Variants in SLC27A4 observed in about 807,000 individuals in gnomAD.
SLC27A4 encodes the protein long-chain fatty acid transport protein 4.
A neutral mutation model predicts 64.4 loss-of-function variants in SLC27A4; 33 were observed. That is an observed-to-expected ratio of 0.51 (90% CI 0.39 to 0.68). The LOEUF is 0.68. SLC27A4 is among the 30% of genes least tolerant of loss of function. The probability of loss-of-function intolerance (pLI) is 0.00; values close to 1 mark genes in which losing one functional copy is unlikely to be tolerated. For missense variants in SLC27A4, 824 were observed against 883.5 expected (o/e 0.93, Z 0.85); for synonymous variants, 377 against 370.0 (o/e 1.02, Z -0.22).
At chr9:128,356,334 G>A (rs1276353993) in intron 12 of SLC27A4, among the ~76,000 whole-genome samples, 2 of 152,210 alleles carry the variant, frequency 1.3e-5, no homozygotes, top group Non-Finnish European at 2.9e-5. Flanking sequence ...CCCGAAGCAG[G>A]AAGGAGCTTG....
In SLC27A4 at chr9:128,348,623, C is replaced by G. The variant is rs1564400408; in HGVS notation, c.635C>G (p.Pro212Arg). 6.2e-6 allele frequency: 10 copies of G among 1,613,864 alleles called. No homozygotes were observed. Among genetic ancestry groups the G allele is most frequent in the Non-Finnish European group, 8.5e-6 (10 of 1,180,030 alleles). ...GGCTCCTGGGAGCCCGGTGCGGTGC[C>G]TCCAAGCACAGAACACCTGGACCCT... ...CSGSWEPGAV[P>R]PSTEHLDPLL... Residue 212 changes from proline to arginine, a missense_variant, in exon 4 of 13, where the codon CCT becomes CGT. Physicochemically the swap from Pro to Arg is moderately radical, Grantham distance 103. Transcript: ENST00000300456.
intron 5 of SLC27A4, 49 bp downstream of exon 5, chr9:128,350,430 G>A: frequency 6.2e-7 from 1 of 1,611,500 alleles, no homozygotes; most frequent in Non-Finnish European, 8.5e-7. Flanking sequence ...GGGCTGGGGA[G>A]CCTCCTTCTG....
Position 128,342,198 on chromosome 9 carries a change from C to G in SLC27A4, c.-6-929C>G, listed in dbSNP as rs779705614. 8 of 1,566,200 alleles carry G rather than the reference C, an allele frequency of 5.1e-6. No homozygotes were observed. The African/African-American group carries it at 1.1e-4, about 21-fold the overall frequency. ...CTGCGCAGACCAGACTTCGCTCGTT[C>G]TCGCATGCCTCGCTCCGCTTTTCCT... On this transcript the variant is annotated intron_variant, in intron 1 of 12. Coordinates refer to ENST00000300456, the MANE Select transcript of SLC27A4 (RefSeq NM_005094.4).
rs771244989 is a variant in SLC27A4 at position 128,345,178 on chromosome 9, T to TTCA, written c.185_186insTCA (p.Val62_Lys63insGln). ...AGTGGCGGCCTGGTCCTCCTGAAGG[T>TTCA]GAAGGCAAAGGTGCGACAGTGCCTG... On this transcript the variant is annotated inframe_insertion, in exon 3 of 13. Coordinates refer to ENST00000300456, the MANE Select transcript of SLC27A4 (RefSeq NM_005094.4). This position sits in a 1 kb window ranked among gnomAD's most constrained non-coding sequence, Gnocchi z 4.1. The TTCA allele has an allele frequency of 6.2e-7, 1 of 1,613,200 alleles. No individual in the cohort carries two copies. Among genetic ancestry groups the TTCA allele is most frequent in the Non-Finnish European group, 8.5e-7 (1 of 1,179,984 alleles).
Position 128,345,007 on chromosome 9 carries a change from T to C in SLC27A4, c.162-148T>C, listed in dbSNP as rs1038554667. The C allele has an allele frequency of 7.1e-6, 6 of 844,478 alleles. No homozygotes were observed. The highest frequency in any genetic ancestry group is 6.7e-5 in the African/African-American group (4 of 59,672). 52.3% of individuals were successfully genotyped at this position (844,478 alleles called of 1,614,324 possible). A position where few individuals can be genotyped will look rare whatever the true frequency, so the allele number is the denominator to read the frequency against. On this transcript the variant is annotated intron_variant, in intron 2 of 12. Coordinates refer to ENST00000300456, the MANE Select transcript of SLC27A4 (RefSeq NM_005094.4). The surrounding 1 kb of genome is among the most constrained non-coding windows in gnomAD (Gnocchi z 4.1). ...TGAGAGGCATCAGTAAGGCAGTGCA[T>C]GTTCCCAGCAGGAGCCAGGAGATAG... is the stretch of plus-strand genomic sequence containing the variant.
At position 128,345,668 on chromosome 9, in the gene SLC27A4, C is replaced by A; in HGVS notation, c.556+119C>A. ...AGTGGTTAAGGGCACAGAGTGGAGT[C>A]AGACAGCTTAGGCAGTGCCACGAGT... On this transcript the variant is annotated intron_variant, in intron 3 of 12. Coordinates refer to ENST00000300456, the MANE Select transcript of SLC27A4 (RefSeq NM_005094.4). The surrounding 1 kb of genome is among the most constrained non-coding windows in gnomAD (Gnocchi z 4.1). 1 of 1,238,290 alleles carries A rather than the reference C, an allele frequency of 8.1e-7. No homozygotes were observed. The highest frequency in any genetic ancestry group is 1.1e-6 in the Non-Finnish European group (1 of 915,534). 76.7% of individuals were successfully genotyped at this position (1,238,290 alleles called of 1,614,324 possible). A position where few individuals can be genotyped will look rare whatever the true frequency, so the allele number is the denominator to read the frequency against.
chr9:128,354,653 G>A (rs1832789254), intron 9 of SLC27A4, among the ~76,000 whole-genome samples: 1 of 151,918 alleles, frequency 6.6e-6, no homozygotes, highest in South Asian at 2.1e-4. Flanking sequence ...ATCAGATCAA[G>A]ACACAGAGTA....
Position 128,343,207 on chromosome 9 carries a change from G to C in SLC27A4, c.75G>C (p.Val25=). ...KLVLKLPWTQ[V]GFSLLFLYLG... is the part of the protein sequence containing the mutation. ...TGCTGAAACTGCCCTGGACCCAGGT[G>C]GGATTCTCCCTGTTGTTCCTCTACT... The change falls in exon 2 of 13, where the codon GTG becomes GTC. Residue 25 remains valine, a synonymous_variant. Coordinates refer to ENST00000300456, the MANE Select transcript of SLC27A4 (RefSeq NM_005094.4). 6.2e-7 allele frequency: 1 copy of C among 1,614,192 alleles called. No homozygotes were observed. Among genetic ancestry groups the C allele is most frequent in the South Asian group, 1.1e-5 (1 of 91,076 alleles).
rs1254794273 is a variant in SLC27A4, at chr9:128,350,390, C to T, written c.785+9C>T. The T allele has an allele frequency of 1.2e-6, 2 of 1,613,342 alleles. No individual in the cohort carries two copies. Among genetic ancestry groups the T allele is most frequent in the Admixed American group, 1.7e-5 (1 of 60,004 alleles). On this transcript the variant is annotated intron_variant, in intron 5 of 12. Coordinates refer to ENST00000300456, the MANE Select transcript of SLC27A4 (RefSeq NM_005094.4). ...ATCGTGGTGCACAGCAGGTAAGGGG[C>T]AGGTGCCCAGGGTGGGGTAGGCACA...
rs905502087 is a variant in SLC27A4, at chr9:128,355,250, C to T, written c.1462+60C>T. 6 of 1,605,042 alleles carry T rather than the reference C, an allele frequency of 3.7e-6. No homozygotes were observed. In the African/African-American group the frequency reaches 4.0e-5, roughly 11 times the overall value. On this transcript the variant is annotated intron_variant, in intron 10 of 12. Coordinates refer to ENST00000300456, the MANE Select transcript of SLC27A4 (RefSeq NM_005094.4). ...GGTTGGGGGAGGAGGGGACCTTCTCCCACCTCCAGAGGACACCTTCCCAGG... is the reference window on the plus strand; with the variant it reads ...GGTTGGGGGAGGAGGGGACCTTCTCTCACCTCCAGAGGACACCTTCCCAGG...
rs779039125 is a variant in SLC27A4 at position 128,348,601 on chromosome 9, T to C, written c.613T>C (p.Ser205Pro). The part of the protein sequence containing the change: ...DPSLSLFCSG[S>P]WEPGAVPPST... ...CTCGCTCAGCCTCTTCTGCTCTGGCTCCTGGGAGCCCGGTGCGGTGCCTCC... is the reference window on the plus strand; with the variant it reads ...CTCGCTCAGCCTCTTCTGCTCTGGCCCCTGGGAGCCCGGTGCGGTGCCTCC... Residue 205 changes from serine (S) to proline (P), a missense_variant, in exon 4 of 13, where the codon TCC (serine) becomes CCC (proline). Physicochemically the swap from Ser to Pro is moderately conservative, Grantham distance 74. Transcript: ENST00000300456. 1.2e-6 allele frequency: 2 copies of C among 1,613,754 alleles called. No individual in the cohort carries two copies. The highest frequency in any genetic ancestry group is 1.3e-5 in the African/African-American group (1 of 75,048).
At chr9:128,352,607 T>A (rs1219353378) in intron 6 of SLC27A4, 31 bp from the exon 7 acceptor site, 2 of 1,551,558 alleles carry the variant, frequency 1.3e-6, no homozygotes, top group Non-Finnish European at 1.8e-6. Context: ...TTCATCTCGC[T>A]GACCCTCAGG....
intron 1 of SLC27A4, chr9:128,342,118 G>A (rs1832581857): frequency 3.8e-6 from 3 of 799,522 alleles, no homozygotes; most frequent in Non-Finnish European, 6.5e-6. Flanking sequence ...GAACTGTCAT[G>A]TTTTGGCTAG....
At position 128,351,133 on chromosome 9, in the gene SLC27A4, G is replaced by A. The variant is rs981267514; in HGVS notation, c.877+558G>A. ...AAAGAAATTATCTGGGTGTGGTGGC[G>A]TGTGCCTGTAGTCCCAGCTATCTGT... is the stretch of plus-strand genomic sequence containing the variant. On this transcript the variant is annotated intron_variant, in intron 6 of 12. Transcript: ENST00000300456. Among the ~76,000 whole-genome samples the A allele has an allele frequency of 6.6e-5, 10 of 152,076 alleles. No homozygotes were observed. In the South Asian group the frequency reaches 1.9e-3, roughly 28 times the overall value.
intron 1 of SLC27A4, chr9:128,342,106 G>A: frequency 1.3e-6 from 1 of 748,016 alleles, no homozygotes; most frequent in Non-Finnish European, 2.4e-6. Context: ...TGTCAGAAGA[G>A]TGAACTGTCA....
chr9:128,352,417 T>C (rs1832750801), intron 6 of SLC27A4, among the ~76,000 whole-genome samples: 1 of 151,770 alleles, frequency 6.6e-6, no homozygotes, highest in Non-Finnish European at 1.5e-5. Context: ...TATATGTGAG[T>C]GTAGGAGAGA....
Position 128,360,832 on chromosome 9 carries a change from A to C in SLC27A4, c.*341A>C. On this transcript the variant is annotated 3_prime_UTR_variant, in exon 13 of 13. Coordinates refer to ENST00000300456, the MANE Select transcript of SLC27A4 (RefSeq NM_005094.4). ...TTCCCAGAGAGCAGGGAGCTTATAA[A>C]TGGAACCAGAGCAGAAGTCCCCAGA... 2.9e-6 allele frequency: 1 copy of C among 349,958 alleles called. No individual in the cohort carries two copies. Among genetic ancestry groups the C allele is most frequent in the Non-Finnish European group, 5.5e-6 (1 of 181,506 alleles). 21.7% of individuals were successfully genotyped at this position (349,958 alleles called of 1,614,324 possible).
Position 128,355,454 on chromosome 9 carries a change from G to T in SLC27A4, c.1519G>T (p.Asp507Tyr), listed in dbSNP as rs377473129. The T allele has an allele frequency of 2.7e-5, 44 of 1,613,564 alleles. No homozygotes were observed. Among genetic ancestry groups the T allele is most frequent in the South Asian group, 9.9e-5 (9 of 91,088 alleles). ...CCTGTACTTCCGAGACCGCACTGGGGACACGTTCCGCTGGAAAGGTGAGAA... is the reference window on the plus strand; with the variant it reads ...CCTGTACTTCCGAGACCGCACTGGGTACACGTTCCGCTGGAAAGGTGAGAA... ...GYLYFRDRTG[D>Y]TFRWKGENVS... Residue 507 changes from aspartate (D) to tyrosine (Y), a missense_variant, in exon 11 of 13, where the codon GAC (aspartate) becomes TAC (tyrosine). Coordinates refer to ENST00000300456, the MANE Select transcript of SLC27A4 (RefSeq NM_005094.4).
At chr9:128,355,016 G>T (rs772322615) in intron 9 of SLC27A4, 37 bp from the exon 10 acceptor site, 1 of 1,597,574 alleles carries the variant, frequency 6.3e-7, no homozygotes, top group Non-Finnish European at 8.5e-7. Flanking sequence ...GGGAGAGGCT[G>T]CCTAGGGCAG....
Sources: gnomAD v4.1 joint callset for allele counts (sites outside exome capture counted in the v4.1 genomes callset) on GRCh38, gnomAD v4.1.1 for gene constraint, Gnocchi (gnomAD v3.1) non-coding constraint, MANE v1.5 for transcripts, NCBI Gene and HGNC (gene_info 2026-07-23, HGNC 2026-07-21) for gene names.